Variants in RASEF observed in about 807,000 individuals in gnomAD.
The protein encoded by RASEF is ras and EF-hand domain-containing protein.
Under a neutral mutation model 90.1 loss-of-function variants are expected in RASEF, and 68 were observed. The observed-to-expected ratio is 0.75, with a 90% CI of 0.62 to 0.92. The LOEUF is 0.92. RASEF is among the 40% of genes least tolerant of loss of function. The pLI is 0.00. For synonymous variants in RASEF, 331 were observed against 345.2 expected (o/e 0.96, Z 0.46); for missense variants, 949 against 937.2 (o/e 1.01, Z -0.16).
chr9:83,181,853 A>C, the RASEF span, among the ~76,000 whole-genome samples: 5 of 152,350 alleles, frequency 3.3e-5, no homozygotes, highest in South Asian at 2.1e-4. Flanking sequence ...AAATGGTTTT[A>C]AGTGTTTATA....
At chr9:83,055,404 C>T (rs926575817) in intron 1 of RASEF, 8 of 531,976 alleles carry the variant, frequency 1.5e-5, no homozygotes, top group East Asian at 3.4e-5. Flanking sequence ...TGCTTCGGCT[C>T]GCGCACGGTG....
intron 1 of RASEF, among the ~76,000 whole-genome samples, chr9:83,032,907 G>C (rs1180800384): frequency 6.6e-6 from 1 of 152,130 alleles, no homozygotes; most frequent in African/African-American, 2.4e-5. Flanking sequence ...AGTAGGGCTG[G>C]TATGTAGAAT....
At chr9:83,047,771 A>G (rs1450028354) in intron 1 of RASEF, among the ~76,000 whole-genome samples, 2 of 152,240 alleles carry the variant, frequency 1.3e-5, no homozygotes, top group Admixed American at 6.5e-5. Flanking sequence ...GGTATCCCAC[A>G]AACTTAGAAG....
rs777123993 is a variant in RASEF, at chr9:83,062,506, G to T, written c.362C>A (p.Pro121Gln). The change falls in exon 1 of 17, where the codon CCG becomes CAG. Residue 121 changes from proline to glutamine, a missense_variant. Physicochemically the swap from Pro to Gln is moderately conservative, Grantham distance 76 (BLOSUM62 -1). Transcript: ENST00000376447. ...AAAALATSCG[P>Q]ASPGRAWQDF... ...CTGCCAAGCCCGGCCGGGACTCGCC[G>T]GGCCGCACGAGGTGGCCAGCGCCGC... 4 of 1,611,136 alleles carry T rather than the reference G, an allele frequency of 2.5e-6. No individual in the cohort carries two copies. Among genetic ancestry groups the T allele is most frequent in the Admixed American group, 3.3e-5 (2 of 59,912 alleles).
At position 83,021,708 on chromosome 9, in the gene RASEF, A is replaced by G. The variant is rs1022074253; in HGVS notation, c.669+628T>C. ...ATTTACATTGTGTTAAATATTAGGTATTATAAGTAATCCAGAGATGATTTA... is the reference window on the plus strand; with the variant it reads ...ATTTACATTGTGTTAAATATTAGGTGTTATAAGTAATCCAGAGATGATTTA... On this transcript the variant is annotated intron_variant, in intron 3 of 16. Coordinates refer to ENST00000376447, the MANE Select transcript of RASEF (RefSeq NM_152573.4). Among the ~76,000 whole-genome samples, 155 of 152,234 alleles carry G rather than the reference A, an allele frequency of 1.0e-3. 2 individuals carry two copies. The highest frequency in any genetic ancestry group is 3.5e-3 in the African/African-American group (147 of 41,454).
the RASEF span, among the ~76,000 whole-genome samples, chr9:83,170,409 T>C: frequency 6.6e-6 from 1 of 151,974 alleles, no homozygotes; most frequent in African/African-American, 2.4e-5. Flanking sequence ...CATTTGGGTC[T>C]TTTGAAGTTA....
the RASEF span, among the ~76,000 whole-genome samples, chr9:83,090,148 G>A: frequency 6.6e-6 from 1 of 151,714 alleles, no homozygotes; most frequent in South Asian, 2.1e-4. Flanking sequence ...AGTGAATCTT[G>A]CATTTCAATT....
intron 1 of RASEF, among the ~76,000 whole-genome samples, chr9:83,061,152 T>A (rs1830194150): frequency 1.3e-5 from 2 of 152,346 alleles, no homozygotes; most frequent in South Asian, 4.1e-4. Flanking sequence ...GTTGTAGCAG[T>A]GTTTAAATTT....
At chr9:83,090,123 C>T in the RASEF span, among the ~76,000 whole-genome samples, 7 of 152,112 alleles carry the variant, frequency 4.6e-5, no homozygotes, top group Non-Finnish European at 8.8e-5. Flanking sequence ...CTCAAATATG[C>T]TGTTGAGCCC....
At chr9:82,997,680 T>G (rs1201767656) in intron 13 of RASEF, among the ~76,000 whole-genome samples, 1 of 152,168 alleles carries the variant, frequency 6.6e-6, no homozygotes, top group African/African-American at 2.4e-5. Context: ...ATTTTATAAG[T>G]ATTTTAAATA....
chr9:83,025,072 C>T (rs573605024), intron 2 of RASEF, among the ~76,000 whole-genome samples: 3 of 152,214 alleles, frequency 2.0e-5, no homozygotes, highest in African/African-American at 4.8e-5. Context: ...AAGAGGCTGA[C>T]GTTTGGACTG....
the RASEF span, among the ~76,000 whole-genome samples, chr9:83,112,642 G>A: frequency 4.0e-5 from 6 of 151,384 alleles, no homozygotes; most frequent in East Asian, 1.9e-4. Flanking sequence ...AGCCAAGATC[G>A]CACCATTGCA....
chr9:83,161,039 G>A, the RASEF span, among the ~76,000 whole-genome samples: 267 of 152,280 alleles, frequency 1.8e-3, 3 homozygotes, highest in Non-Finnish European at 5.9e-4. Flanking sequence ...TTGCTGTAGC[G>A]GTGGGGCCCT....
the RASEF span, among the ~76,000 whole-genome samples, chr9:83,079,184 G>T: frequency 2.6e-5 from 4 of 152,246 alleles, no homozygotes; most frequent in African/African-American, 9.6e-5. Context: ...TATAGTTTTA[G>T]GTTTTACATT....
the RASEF span, among the ~76,000 whole-genome samples, chr9:83,099,178 A>G: frequency 6.6e-6 from 1 of 152,162 alleles, no homozygotes; most frequent in Non-Finnish European, 1.5e-5. Flanking sequence ...TGTACCTGTT[A>G]TAGTCTGATT....
At chr9:83,017,455 G>A (rs992904155) in intron 3 of RASEF, among the ~76,000 whole-genome samples, 40 of 151,862 alleles carry the variant, frequency 2.6e-4, no homozygotes, top group African/African-American at 3.1e-4. Context: ...AGCCGAGATC[G>A]CGCCACAGCA....
At chr9:83,106,910 A>T in the RASEF span, among the ~76,000 whole-genome samples, 1 of 152,168 alleles carries the variant, frequency 6.6e-6, no homozygotes, top group Non-Finnish European at 1.5e-5. Context: ...CAGTATCCCA[A>T]GGTCCTGTCA....
chr9:83,003,740 T>A (rs543853536), intron 9 of RASEF, among the ~76,000 whole-genome samples: 51 of 152,292 alleles, frequency 3.3e-4, no homozygotes, highest in African/African-American at 1.1e-3. Flanking sequence ...ATTCTTTTTA[T>A]CAAAAGTACC....
At chr9:83,053,747 C>CA (rs1830059312) in intron 1 of RASEF, among the ~76,000 whole-genome samples, 1 of 146,218 alleles carries the variant, frequency 6.8e-6, no homozygotes, top group African/African-American at 2.7e-5. Flanking sequence ...CTGGTGGTGA[C>CA]AAAATCTCTC....
Sources: allele counts gnomAD v4.1 joint callset (sites outside exome capture counted in the v4.1 genomes callset), GRCh38; gene constraint gnomAD v4.1.1; transcripts MANE v1.5; gene names NCBI Gene and HGNC (gene_info 2026-07-23, HGNC 2026-07-21).